Variants in METTL15 observed in about 807,000 individuals in gnomAD.
METTL15 encodes methyltransferase 15, mitochondrial 12S rRNA N4-cytidine.
In METTL15, 34 loss-of-function variants were observed where a neutral mutation model predicts 38.3. That is an observed-to-expected ratio of 0.89 (90% confidence interval 0.68 to 1.18). The LOEUF (loss-of-function observed/expected upper bound fraction) is 1.18. METTL15 is among the 50% of genes most tolerant of loss of function. The pLI, the probability that METTL15 is intolerant of heterozygous loss-of-function variation, is 0.00. For missense variants in METTL15, 438 were observed against 498.4 expected (o/e 0.88, Z 1.15); for synonymous variants, 162 against 170.9 (o/e 0.95, Z 0.41).
rs570531236 is a variant in METTL15 at position 28,232,072 on chromosome 11, T to G, written c.407+20874T>G. 2.0e-5 allele frequency among the ~76,000 whole-genome samples: 3 copies of G among 152,022 alleles called. No homozygotes were observed. In the South Asian group the frequency reaches 6.2e-4, roughly 31 times the overall value. Reference sequence around the variant, plus strand: ...GTTCATCTTAATTTGCATTTTACAATGTAAATAGAACCTTTAAAAATATCC... The same window carrying G: ...GTTCATCTTAATTTGCATTTTACAAGGTAAATAGAACCTTTAAAAATATCC... On this transcript the variant is annotated intron_variant, in intron 4 of 6. Transcript: ENST00000407364.
At chr11:28,406,309 A>C (rs1347612414) in intron 5 of METTL15, among the ~76,000 whole-genome samples, 7 of 151,996 alleles carry the variant, frequency 4.6e-5, no homozygotes, top group African/African-American at 1.7e-4. Flanking sequence ...TGTTAGCTGT[A>C]TTCCTAGGTA....
intron 6 of METTL15, among the ~76,000 whole-genome samples, chr11:28,515,191 G>C (rs1851709311): frequency 6.6e-6 from 1 of 152,122 alleles, no homozygotes; most frequent in African/African-American, 2.4e-5. Flanking sequence ...AAAGGGTCAG[G>C]GAACTGGTAA....
intron 3 of METTL15, among the ~76,000 whole-genome samples, chr11:28,168,553 G>C (rs1441994388): frequency 6.6e-6 from 1 of 151,234 alleles, no homozygotes; most frequent in African/African-American, 2.4e-5. Context: ...TGCCACGTTG[G>C]TGTGCTGCAC....
chr11:28,150,773 G>A (rs574821506), intron 3 of METTL15, among the ~76,000 whole-genome samples: 16 of 151,916 alleles, frequency 1.1e-4, no homozygotes, highest in Admixed American at 9.9e-4. Flanking sequence ...GCCTTTTCAA[G>A]AGTTGAGACT....
rs143620607 is a variant in METTL15 at position 28,243,903 on chromosome 11, T to C, written c.407+32705T>C. On this transcript the variant is annotated intron_variant, in intron 4 of 6. Coordinates refer to ENST00000407364, the MANE Select transcript of METTL15 (RefSeq NM_001113528.2). ...CTGGCATAAAACAACCATTTTGTTA[T>C]ATTAGTGATTTTGTGGGTCAGAAAT... Among the ~76,000 whole-genome samples the C allele has an allele frequency of 2.0e-3, 304 of 152,332 alleles. 1 individual carries two copies. Among genetic ancestry groups the C allele is most frequent in the African/African-American group, 6.9e-3 (289 of 41,584 alleles).
At chr11:28,176,995 T>A (rs1437579622) in intron 3 of METTL15, among the ~76,000 whole-genome samples, 1 of 152,070 alleles carries the variant, frequency 6.6e-6, no homozygotes, top group Non-Finnish European at 1.5e-5. Flanking sequence ...ATAAACTTTT[T>A]GCCTTTCTTT....
At chr11:28,215,756 A>G (rs988866468) in intron 4 of METTL15, among the ~76,000 whole-genome samples, 1 of 152,156 alleles carries the variant, frequency 6.6e-6, no homozygotes, top group African/African-American at 2.4e-5. Flanking sequence ...AAGAGGATGG[A>G]ACGAAGAGGA....
At chr11:28,295,796 C>G (rs946000483) in intron 5 of METTL15, among the ~76,000 whole-genome samples, 2 of 151,914 alleles carry the variant, frequency 1.3e-5, no homozygotes, top group Non-Finnish European at 2.9e-5. Context: ...TGTTGGCAAC[C>G]CCACTCTGGT....
At position 28,332,378 on chromosome 11, in the gene METTL15, T is replaced by G. The variant is rs1849839347; in HGVS notation, c.*1537T>G. On this transcript the variant is annotated 3_prime_UTR_variant, in exon 7 of 7. Transcript: ENST00000407364. ...CATATTCCCAAAAAATTCTTATCTC[T>G]GTATGTGATTGGAAAAGAAAAGATC... The G allele has an allele frequency of 6.6e-6, 1 of 152,156 alleles. No individual in the cohort carries two copies. Among genetic ancestry groups the G allele is most frequent in the Non-Finnish European group, 1.5e-5 (1 of 68,012 alleles). 9.4% of individuals were successfully genotyped at this position (152,156 alleles called of 1,614,324 possible).
intron 3 of METTL15, among the ~76,000 whole-genome samples, chr11:28,130,320 A>G (rs1311688826): frequency 6.6e-6 from 1 of 152,124 alleles, no homozygotes; most frequent in African/African-American, 2.4e-5. Context: ...CAAAAAACCA[A>G]CAAAAACCAA....
chr11:28,319,790 GTTATC>G (rs1849397120), intron 6 of METTL15, among the ~76,000 whole-genome samples: 1 of 152,176 alleles, frequency 6.6e-6, no homozygotes, highest in Non-Finnish European at 1.5e-5. Flanking sequence ...AAGTTATACA[GTTATC>G]TTAAGAGCTT....
At chr11:28,141,029 A>G (rs774398378) in intron 3 of METTL15, among the ~76,000 whole-genome samples, 3 of 152,196 alleles carry the variant, frequency 2.0e-5, no homozygotes, top group Non-Finnish European at 2.9e-5. Flanking sequence ...CAGAAAGTTA[A>G]TATGCTGAGA....
At chr11:28,297,461 G>A (rs1285862362) in intron 6 of METTL15, among the ~76,000 whole-genome samples, 1 of 152,138 alleles carries the variant, frequency 6.6e-6, no homozygotes. Flanking sequence ...AAGGGTATAT[G>A]ATGTATAGGT....
intron 3 of METTL15, among the ~76,000 whole-genome samples, chr11:28,161,107 CTTT>C (rs10660185): frequency 7.6e-6 from 1 of 131,900 alleles, no homozygotes; most frequent in Non-Finnish European, 1.6e-5. Context: ...TTGCACCTTC[CTTT>C]TTTTTTTTTT....
intron 4 of METTL15, among the ~76,000 whole-genome samples, chr11:28,236,193 G>A (rs1383662197): frequency 7.2e-5 from 11 of 152,170 alleles, no homozygotes; most frequent in Non-Finnish European, 1.3e-4. Context: ...TTGATGTGCT[G>A]CTGTATTCGG....
chr11:28,446,743 A>G (rs1390850615), intron 6 of METTL15, among the ~76,000 whole-genome samples: 1 of 152,162 alleles, frequency 6.6e-6, no homozygotes, highest in African/African-American at 2.4e-5. Flanking sequence ...GTTATAAAAT[A>G]ATGAATGTTT....
intron 3 of METTL15, among the ~76,000 whole-genome samples, chr11:28,198,450 G>A (rs1851987608): frequency 6.6e-6 from 1 of 152,010 alleles, no homozygotes; most frequent in Non-Finnish European, 1.5e-5. Flanking sequence ...TTTGTGAATA[G>A]GAAAGGATTT....
At chr11:28,167,447 A>C (rs1374929494) in intron 3 of METTL15, among the ~76,000 whole-genome samples, 1 of 152,148 alleles carries the variant, frequency 6.6e-6, no homozygotes, top group Non-Finnish European at 1.5e-5. Flanking sequence ...CTGGATTCTC[A>C]ATCTTGTTGC....
At chr11:28,334,116 C>A (rs1449276887), downstream of METTL15, among the ~76,000 whole-genome samples, 1 of 151,848 alleles carries the variant, frequency 6.6e-6, no homozygotes, top group East Asian at 1.9e-4. Flanking sequence ...TGTACTCAAG[C>A]GTATATTAGA....
Sources: gnomAD v4.1 joint callset for allele counts (sites outside exome capture counted in the v4.1 genomes callset) on GRCh38, gnomAD v4.1.1 for gene constraint, MANE v1.5 for transcripts, NCBI Gene and HGNC (gene_info 2026-07-23, HGNC 2026-07-21) for gene names.